P2RX1: variants seen among roughly 807,000 people sequenced by gnomAD.
P2RX1 encodes P2X purinoceptor 1.
P2RX1 carries 42 observed loss-of-function variants against 50.3 expected under a neutral mutation model. That is an observed-to-expected ratio of 0.83 (90% CI 0.65 to 1.08). P2RX1 has a LOEUF of 1.08. Among genes scored for constraint, P2RX1 ranks in the 50% least tolerant of loss-of-function variants. The pLI is 0.00. For missense variants in P2RX1, 449 were observed against 529.0 expected (o/e 0.85, Z 1.48); for synonymous variants, 199 against 202.6 (o/e 0.98, Z 0.15).
chr17:3,900,622 C>T (rs1481123055), intron 7 of P2RX1, among the ~76,000 whole-genome samples: 4 of 152,168 alleles, frequency 2.6e-5, no homozygotes, highest in African/African-American at 9.7e-5. Flanking sequence ...TATTTTCGCC[C>T]TGCTCTTGTA....
Position 3,908,059 on chromosome 17 carries a change from A to G in P2RX1, c.138-2692T>C, listed in dbSNP as rs112269518. On this transcript the variant is annotated intron_variant, in intron 1 of 11. Transcript: ENST00000225538. ...AGGAGTGGCGGTCTCAAGTGTCCCC[A>G]TGCTTGAGGCACCCAGCCCAGGACT... is the stretch of plus-strand genomic sequence containing the variant. Among the ~76,000 whole-genome samples the G allele has an allele frequency of 6.7e-3, 1,019 of 152,272 alleles. 12 individuals are homozygous for G. The highest frequency in any genetic ancestry group is 0.023 in the African/African-American group (955 of 41,562).
At chr17:3,905,873 A>G (rs746467125) in intron 1 of P2RX1, among the ~76,000 whole-genome samples, 9 of 151,750 alleles carry the variant, frequency 5.9e-5, no homozygotes, top group Non-Finnish European at 1.3e-4. Flanking sequence ...AAAAAAGGAA[A>G]GAAAGAAACT....
chr17:3,898,528 G>T lies in P2RX1; in HGVS notation c.988C>A (p.Pro330Thr). The part of the protein sequence containing the change: ...DGKAGKFDII[P>T]TMTTIGSGIG... ...CCAGAGCCGATGGTGGTCATTGTAG[G>T]GATGATGTCAAACTTCCCGGCCTGG... The change falls in exon 10 of 12, where the codon CCT (proline) becomes ACT (threonine). Residue 330 changes from proline to threonine, a missense_variant. By Grantham distance (38) the Pro-to-Thr change is conservative. Transcript: ENST00000225538. 1 of 1,613,944 alleles carries T rather than the reference G, an allele frequency of 6.2e-7. No individual in the cohort carries two copies. Among genetic ancestry groups the T allele is most frequent in the Non-Finnish European group, 8.5e-7 (1 of 1,179,864 alleles).
chr17:3,909,544 T>C (rs2056327204), intron 1 of P2RX1, among the ~76,000 whole-genome samples: 1 of 152,132 alleles, frequency 6.6e-6, no homozygotes. Flanking sequence ...ATTCCACACA[T>C]TCAATCATTC....
chr17:3,897,943 C>T, intron 11 of P2RX1, 64 bp from the exon 12 acceptor site: 2 of 1,608,692 alleles, frequency 1.2e-6, no homozygotes, highest in Non-Finnish European at 1.7e-6. Context: ...TGCCCACGCC[C>T]CCCACCCCAA....
At chr17:3,901,855 G>A (rs985511837) in intron 7 of P2RX1, among the ~76,000 whole-genome samples, 7 of 152,112 alleles carry the variant, frequency 4.6e-5, no homozygotes, top group African/African-American at 1.4e-4. Context: ...CACGCACACC[G>A]CGTCAACTCA....
At chr17:3,898,884 G>A in intron 9 of P2RX1, 50 bp downstream of exon 9, 1 of 1,418,772 alleles carries the variant, frequency 7.0e-7, no homozygotes, top group Non-Finnish European at 1.0e-6. Context: ...GGTACTCACA[G>A]GAGCTGAGAA....
chr17:3,899,113 A>T, intron 8 of P2RX1, 89 bp from the exon 9 acceptor site: 1 of 916,088 alleles, frequency 1.1e-6, no homozygotes, highest in Non-Finnish European at 1.8e-6. Flanking sequence ...CAGGAGATTT[A>T]GTGGTCTCTG....
chr17:3,905,460 G>A (rs2056245979), intron 1 of P2RX1, 93 bp from the exon 2 acceptor site: 1 of 1,395,400 alleles, frequency 7.2e-7, no homozygotes. Context: ...GTGCCTCTGA[G>A]CCACCATCTG....
At chr17:3,898,444 G>A in intron 10 of P2RX1, 40 bp downstream of exon 10, 1 of 1,530,860 alleles carries the variant, frequency 6.5e-7, no homozygotes, top group South Asian at 1.1e-5. Flanking sequence ...AAGAGGAGGG[G>A]CCAACCCCAG....
At chr17:3,899,946 C>A (rs1469643197) in intron 7 of P2RX1, among the ~76,000 whole-genome samples, 185 bp from the exon 8 acceptor site, 1 of 151,826 alleles carries the variant, frequency 6.6e-6, no homozygotes, top group Non-Finnish European at 1.5e-5. Flanking sequence ...ACTAAAAATA[C>A]AAAAATTAGC....
chr17:3,906,498 T>A (rs943685589), intron 1 of P2RX1, among the ~76,000 whole-genome samples: 2 of 152,172 alleles, frequency 1.3e-5, no homozygotes, highest in Admixed American at 1.3e-4. Context: ...AGAATGGGGA[T>A]GGCACAGAAT....
intron 1 of P2RX1, among the ~76,000 whole-genome samples, chr17:3,909,740 T>TTGAACAAAACAAACACAAAAG (rs1287593517): frequency 1.3e-5 from 2 of 152,012 alleles, no homozygotes; most frequent in African/African-American, 4.8e-5. Context: ...CCAAACACTG[T>TTGAACAAAACAAACACAAAAG]TGAACAAAAC....
At chr17:3,907,990 G>C (rs75441691) in intron 1 of P2RX1, among the ~76,000 whole-genome samples, 5,336 of 152,284 alleles carry the variant, frequency 0.035, 330 homozygotes, top group African/African-American at 0.12. Context: ...TGCCCAAAAC[G>C]AACTTTCTAC....
chr17:3,904,762 CT>C (rs2056227055), intron 3 of P2RX1, 95 bp downstream of exon 3: 2 of 948,164 alleles, frequency 2.1e-6, no homozygotes, highest in Admixed American at 4.0e-5. Flanking sequence ...TGCAGGAAGC[CT>C]CTCTGGCTTC....
At chr17:3,900,763 C>G (rs1361070938) in intron 7 of P2RX1, among the ~76,000 whole-genome samples, 2 of 152,148 alleles carry the variant, frequency 1.3e-5, no homozygotes, top group East Asian at 1.9e-4. Flanking sequence ...ACTGTAAGCT[C>G]CAGGAGGACG....
At chr17:3,905,915 C>T (rs1304257656) in intron 1 of P2RX1, among the ~76,000 whole-genome samples, 1 of 151,682 alleles carries the variant, frequency 6.6e-6, no homozygotes, top group Non-Finnish European at 1.5e-5. Flanking sequence ...AATCCTTTTC[C>T]AAGAACAGAG....
chr17:3,900,618 C>T (rs916278676), intron 7 of P2RX1, among the ~76,000 whole-genome samples: 4 of 152,160 alleles, frequency 2.6e-5, no homozygotes, highest in African/African-American at 4.8e-5. Flanking sequence ...TATTTATTTT[C>T]GCCCTGCTCT....
At chr17:3,901,405 C>T (rs116973049) in intron 7 of P2RX1, among the ~76,000 whole-genome samples, 72 of 152,298 alleles carry the variant, frequency 4.7e-4, no homozygotes, top group Non-Finnish European at 6.6e-4. Context: ...GGAGGTCTAA[C>T]ATTCAGCATG....
Sources: gnomAD v4.1 joint callset for allele counts (sites outside exome capture counted in the v4.1 genomes callset) on GRCh38, gnomAD v4.1.1 for gene constraint, MANE v1.5 for transcripts, NCBI Gene and HGNC (gene_info 2026-07-23, HGNC 2026-07-21) for gene names.